Variants in VPS13A observed in about 807,000 individuals in gnomAD.
VPS13A encodes vacuolar protein sorting 13 homolog A, also known as intermembrane lipid transfer protein VPS13A.
In VPS13A, 264 loss-of-function variants were observed where a neutral mutation model predicts 390.9. That is an observed-to-expected ratio of 0.68 (90% confidence interval 0.61 to 0.75). The LOEUF is 0.75. VPS13A is among the 30% of genes least tolerant of loss of function. The pLI, the probability that VPS13A is intolerant of heterozygous loss-of-function variation, is 0.00. For missense variants in VPS13A, 3,409 were observed against 3,733.9 expected (o/e 0.91, Z 2.27); for synonymous variants, 1,231 against 1,227.1 (o/e 1.00, Z -0.07).
intron 62 of VPS13A, among the ~76,000 whole-genome samples, chr9:77,368,466 A>C (rs1244603473): frequency 1.3e-5 from 2 of 152,244 alleles, no homozygotes; most frequent in Admixed American, 6.5e-5. Flanking sequence ...ACTGATGAAC[A>C]CGGGATATTT....
At chr9:77,302,369 T>TTA (rs1828428725) in intron 33 of VPS13A, among the ~76,000 whole-genome samples, 1 of 109,842 alleles carries the variant, frequency 9.1e-6, no homozygotes, top group Non-Finnish European at 1.7e-5. Flanking sequence ...ATTTTTCCCC[T>TTA]TTTTTTTTTT....
At chr9:77,363,147 A>T (rs1342520614) in intron 59 of VPS13A, among the ~76,000 whole-genome samples, 1 of 152,178 alleles carries the variant, frequency 6.6e-6, no homozygotes, top group East Asian at 1.9e-4. Flanking sequence ...CACATTAAAC[A>T]GAAGTGCCAA....
At chr9:77,345,962 A>G (rs1302693877) in intron 52 of VPS13A, among the ~76,000 whole-genome samples, 2 of 152,152 alleles carry the variant, frequency 1.3e-5, no homozygotes, top group African/African-American at 4.8e-5. Flanking sequence ...TATAAAAATA[A>G]TAAGTTGTTT....
chr9:77,267,491 C>T (rs934654239), intron 23 of VPS13A, among the ~76,000 whole-genome samples: 1 of 152,172 alleles, frequency 6.6e-6, no homozygotes, highest in African/African-American at 2.4e-5. Context: ...GTATCACCAG[C>T]GGAGGCTGCA....
rs183087425 is a variant in VPS13A at position 77,250,242 on chromosome 9, T to C, written c.2170+13T>C. On this transcript the variant is annotated intron_variant, in intron 21 of 71. Coordinates refer to ENST00000360280, the MANE Select transcript of VPS13A (RefSeq NM_033305.3). ...TACAGTAGAGTTGGTGAGTATAAAA[T>C]GCATTATTTGTTGATTGATTTTGTT... 3,097 of 1,612,396 alleles carry C rather than the reference T, an allele frequency of 1.9e-3. 5 individuals carry two copies. The highest frequency in any genetic ancestry group is 2.3e-3 in the Non-Finnish European group (2,731 of 1,179,712).
chr9:77,314,222 A>G, intron 36 of VPS13A, 103 bp downstream of exon 36: 2 of 1,284,768 alleles, frequency 1.6e-6, no homozygotes, highest in Non-Finnish European at 2.2e-6. Context: ...ATTTTGTAGT[A>G]TCTGTCCCTC....
At chr9:77,254,421 A>G (rs1825328880) in intron 22 of VPS13A, among the ~76,000 whole-genome samples, 1 of 152,148 alleles carries the variant, frequency 6.6e-6, no homozygotes, top group South Asian at 2.1e-4. Context: ...TTCCTGTACC[A>G]CACTATTTAG....
intron 7 of VPS13A, among the ~76,000 whole-genome samples, chr9:77,211,970 C>T (rs1025592816): frequency 6.6e-6 from 1 of 152,120 alleles, no homozygotes; most frequent in African/African-American, 2.4e-5. Context: ...AACTGCGCAT[C>T]TCAGGGATCT....
chr9:77,245,535 G>A (rs1201326964), intron 19 of VPS13A, among the ~76,000 whole-genome samples: 3 of 152,148 alleles, frequency 2.0e-5, no homozygotes, highest in Non-Finnish European at 4.4e-5. Flanking sequence ...AATTTTTGAT[G>A]ATCTGTCAGT....
intron 68 of VPS13A, among the ~76,000 whole-genome samples, chr9:77,400,415 T>C (rs917964652): frequency 1.1e-4 from 17 of 152,120 alleles, no homozygotes; most frequent in East Asian, 3.8e-4. Context: ...TATTTTACTT[T>C]ATTACTGTTT....
At position 77,244,263 on chromosome 9, in the gene VPS13A, G is replaced by C. The variant is rs78312189; in HGVS notation, c.1901-2996G>C. 9.0e-3 allele frequency among the ~76,000 whole-genome samples: 1,364 copies of C among 152,212 alleles called. 22 individuals carry two copies. The highest frequency in any genetic ancestry group is 0.024 in the African/African-American group (1,001 of 41,510). On this transcript the variant is annotated intron_variant, in intron 19 of 71. Coordinates refer to ENST00000360280, the MANE Select transcript of VPS13A (RefSeq NM_033305.3). ...CCAAAAATACATATATTTAAGAAGA[G>C]TAGTTATGAGGAATATAGAACTGAG...
At chr9:77,231,086 T>C (rs1823806045) in intron 17 of VPS13A, among the ~76,000 whole-genome samples, 1 of 152,194 alleles carries the variant, frequency 6.6e-6, no homozygotes, top group African/African-American at 2.4e-5. Context: ...ACTTGTACCC[T>C]GCAACCTTGA....
rs190411547 is a variant in VPS13A at position 77,355,116 on chromosome 9, A to G, written c.7652+1475A>G. On this transcript the variant is annotated intron_variant, in intron 54 of 71. Transcript: ENST00000360280. ...ATTTCTTTCTTTGCATTTATAACCA[A>G]ACACCTCAAATGTACTGTCTGTTTC... Among the ~76,000 whole-genome samples, 286 of 152,228 alleles carry G rather than the reference A, an allele frequency of 1.9e-3. 1 individual carries two copies. The highest frequency in any genetic ancestry group is 6.3e-3 in the African/African-American group (263 of 41,550).
intron 71 of VPS13A, 137 bp from the exon 72 acceptor site, chr9:77,415,819 G>T: frequency 1.0e-6 from 1 of 958,130 alleles, no homozygotes. Flanking sequence ...TCTTTTGCAG[G>T]ATGAATTTTA....
chr9:77,241,789 A>G (rs1215956980), intron 19 of VPS13A, among the ~76,000 whole-genome samples: 1 of 152,180 alleles, frequency 6.6e-6, no homozygotes, highest in Non-Finnish European at 1.5e-5. Flanking sequence ...CTGCCAAAGA[A>G]TTCTTGGGCT....
chr9:77,205,147 CTTG>C (rs926557743), intron 3 of VPS13A, among the ~76,000 whole-genome samples, 163 bp from the exon 4 acceptor site: 4 of 152,056 alleles, frequency 2.6e-5, no homozygotes, highest in Non-Finnish European at 4.4e-5. Flanking sequence ...ACAACAAACA[CTTG>C]TTGTTTGTAG....
chr9:77,190,403 G>A (rs62573162), intron 1 of VPS13A, among the ~76,000 whole-genome samples: 2 of 152,176 alleles, frequency 1.3e-5, no homozygotes, highest in Non-Finnish European at 2.9e-5. Context: ...ATTGATTTGT[G>A]TATATTGAAC....
At chr9:77,408,708 A>G (rs1834750524) in intron 71 of VPS13A, among the ~76,000 whole-genome samples, 1 of 152,214 alleles carries the variant, frequency 6.6e-6, no homozygotes, top group Non-Finnish European at 1.5e-5. Flanking sequence ...CACAGCAGTC[A>G]GTCTGAGATC....
At chr9:77,230,798 C>G (rs751166614) in intron 17 of VPS13A, among the ~76,000 whole-genome samples, 1 of 152,050 alleles carries the variant, frequency 6.6e-6, no homozygotes. Context: ...TTTTGTGGAT[C>G]AATTTTGGGT....
Sources: allele counts gnomAD v4.1 joint callset (sites outside exome capture counted in the v4.1 genomes callset), GRCh38; gene constraint gnomAD v4.1.1; transcripts MANE v1.5; gene names NCBI Gene and HGNC (gene_info 2026-07-23, HGNC 2026-07-21).